The following MEOX2 variants were observed in gnomAD, a reference collection of about 807,000 sequenced individuals.
The protein encoded by MEOX2 is mesenchyme homeobox 2.
A neutral mutation model predicts 27.0 loss-of-function variants in MEOX2; 11 were observed. The ratio of observed to expected loss-of-function variants is 0.41; its 90% CI spans 0.26 to 0.68. The LOEUF is 0.68. Ranked by LOEUF, MEOX2 falls within the 30% of genes least tolerant of loss-of-function variation. The pLI, the probability that MEOX2 is intolerant of heterozygous loss-of-function variation, is 0.33. For missense variants in MEOX2, 436 were observed against 385.4 expected, an observed-to-expected ratio of 1.13 and a Z score of -1.10; for synonymous variants, 189 against 155.4, an observed-to-expected ratio of 1.22 and a Z score of -1.61.
chr7:15,658,173 G>A (rs1473481160), intron 1 of MEOX2, among the ~76,000 whole-genome samples: 1 of 152,232 alleles, frequency 6.6e-6, no homozygotes, highest in Non-Finnish European at 1.5e-5. Flanking sequence ...TCCTTTTGGG[G>A]AACAGGATGA....
At chr7:15,660,310 C>T (rs185207062) in intron 1 of MEOX2, among the ~76,000 whole-genome samples, 12 of 152,230 alleles carry the variant, frequency 7.9e-5, no homozygotes, top group African/African-American at 2.6e-4. Context: ...AGAGTGTAGG[C>T]TGTGAGCAAC....
Position 15,612,298 on chromosome 7 carries a change from A to G in MEOX2, c.*89T>C. ...TTTAATAATATTAAACATCACTGCC[A>G]TAGTCATCTCTCTGTGTAAACGATA... On this transcript the variant is annotated 3_prime_UTR_variant, in exon 3 of 3. Transcript: ENST00000262041. 3 of 1,013,094 alleles carry G rather than the reference A, an allele frequency of 3.0e-6. No homozygotes were observed. The highest frequency in any genetic ancestry group is 1.3e-5 in the South Asian group (1 of 76,206). The allele number at this position is 1,013,094 out of a possible 1,614,324, so 62.8% of individuals were successfully genotyped here. A position where few individuals can be genotyped will look rare whatever the true frequency, so the allele number is the denominator to read the frequency against.
chr7:15,626,641 A>C, intron 2 of MEOX2, 105 bp downstream of exon 2: 2 of 774,246 alleles, frequency 2.6e-6, no homozygotes, highest in South Asian at 2.1e-5. Context: ...CTGTCTTCCA[A>C]ATGGTATTCA....
chr7:15,618,851 T>C (rs766293674), intron 2 of MEOX2, among the ~76,000 whole-genome samples: 15 of 151,932 alleles, frequency 9.9e-5, no homozygotes, highest in Admixed American at 2.6e-4. Flanking sequence ...TGTGTGAGTA[T>C]ACACTGACCC....
At chr7:15,639,934 G>A (rs1781534423) in intron 1 of MEOX2, among the ~76,000 whole-genome samples, 1 of 151,818 alleles carries the variant, frequency 6.6e-6, no homozygotes, top group Admixed American at 6.6e-5. Context: ...TTGTTTGTTT[G>A]TTTTGCTTAC....
At chr7:15,668,522 C>T (rs573484274) in intron 1 of MEOX2, among the ~76,000 whole-genome samples, 10 of 152,044 alleles carry the variant, frequency 6.6e-5, no homozygotes, top group Non-Finnish European at 1.3e-4. Context: ...TGCTCTGTCG[C>T]CCAGGCTGGA....
chr7:15,668,389 A>G (rs1259314186), intron 1 of MEOX2: 1 of 152,228 alleles, frequency 6.6e-6, no homozygotes, highest in African/African-American at 2.4e-5. Context: ...TAATACATAT[A>G]ACATTAAAAA....
intron 1 of MEOX2, among the ~76,000 whole-genome samples, chr7:15,656,333 T>C (rs550167153): frequency 6.6e-6 from 1 of 151,934 alleles, no homozygotes; most frequent in Non-Finnish European, 1.5e-5. Flanking sequence ...TTAATTGCTA[T>C]GTTTTTAGGC....
At chr7:15,682,237 T>C (rs1782304601) in intron 1 of MEOX2, among the ~76,000 whole-genome samples, 1 of 151,750 alleles carries the variant, frequency 6.6e-6, no homozygotes, top group Admixed American at 6.6e-5. Context: ...AAAGCCACAA[T>C]CCAGTAACAC....
chr7:15,622,521 G>A (rs1781236206), intron 2 of MEOX2, among the ~76,000 whole-genome samples: 1 of 152,022 alleles, frequency 6.6e-6, no homozygotes, highest in South Asian at 2.1e-4. Context: ...ATTCCTTGGT[G>A]TATATGTTTA....
Position 15,621,033 on chromosome 7 carries a change from G to A in MEOX2, c.690+5713C>T, listed in dbSNP as rs188832111. 5.3e-5 allele frequency among the ~76,000 whole-genome samples: 8 copies of A among 152,262 alleles called. No homozygotes were observed. The East Asian group carries it at 1.4e-3, about 26-fold the overall frequency. On this transcript the variant is annotated intron_variant, in intron 2 of 2. Coordinates refer to ENST00000262041, the MANE Select transcript of MEOX2 (RefSeq NM_005924.5). ...CTGTGAGATATTAAAAATCTGGTGG[G>A]AGTTTTCTCCAAGTTTATCTGGATG...
At chr7:15,654,002 T>C (rs1409527617) in intron 1 of MEOX2, among the ~76,000 whole-genome samples, 4 of 151,914 alleles carry the variant, frequency 2.6e-5, no homozygotes, top group Admixed American at 6.6e-5. Flanking sequence ...TTGGGGGAAA[T>C]TGACATCTTT....
chr7:15,645,886 T>A (rs1781639184), intron 1 of MEOX2, among the ~76,000 whole-genome samples: 1 of 152,162 alleles, frequency 6.6e-6, no homozygotes, highest in Non-Finnish European at 1.5e-5. Flanking sequence ...TGTGTGCATA[T>A]GTGTATGTCC....
chr7:15,626,767 A>C lies in MEOX2; in HGVS notation c.669T>G (p.Asn223Lys), dbSNP rs1357838190. The change falls in exon 2 of 3, where the codon AAT becomes AAG. Residue 223 changes from asparagine to lysine, a missense_variant. Physicochemically the swap from Asn to Lys is moderately conservative, Grantham distance 94. Transcript: ENST00000262041. Reference protein sequence around the residue: ...TRLRRYEIAVNLDLTERQVKV... With the variant: ...TRLRRYEIAVKLDLTERQVKV... ...TTACCTGTCTTTCAGTGAGATCCAG[A>C]TTCACTGCTATCTCGTATCGCCTCA... is the stretch of plus-strand genomic sequence containing the variant. The C allele has an allele frequency of 6.2e-7, 1 of 1,609,192 alleles. No individual in the cohort carries two copies. The highest frequency in any genetic ancestry group is 8.5e-7 in the Non-Finnish European group (1 of 1,177,832).
chr7:15,633,514 G>A (rs1781433403), intron 1 of MEOX2, among the ~76,000 whole-genome samples: 2 of 151,920 alleles, frequency 1.3e-5, no homozygotes, highest in Middle Eastern at 3.2e-3. Context: ...TTTGCAGTGT[G>A]ATGCCAGAAA....
chr7:15,663,897 C>G (rs988560991), intron 1 of MEOX2, among the ~76,000 whole-genome samples: 1 of 152,116 alleles, frequency 6.6e-6, no homozygotes, highest in East Asian at 1.9e-4. Flanking sequence ...GGCTCTTGCT[C>G]TGTTCAATAC....
chr7:15,645,689 T>C (rs1781634333), intron 1 of MEOX2, among the ~76,000 whole-genome samples: 1 of 152,188 alleles, frequency 6.6e-6, no homozygotes, highest in Non-Finnish European at 1.5e-5. Flanking sequence ...GAAGCATTTC[T>C]CAAGTGGTAT....
chr7:15,653,783 T>C (rs1228036298), intron 1 of MEOX2, among the ~76,000 whole-genome samples: 1 of 151,990 alleles, frequency 6.6e-6, no homozygotes, highest in African/African-American at 2.4e-5. Flanking sequence ...TATATGTTTC[T>C]GTGTCTCCAC....
intron 1 of MEOX2, among the ~76,000 whole-genome samples, chr7:15,640,247 T>C (rs1781539191): frequency 6.7e-6 from 1 of 148,616 alleles, no homozygotes; most frequent in African/African-American, 2.6e-5. Context: ...GGGTTGTGTG[T>C]GTGTGTTTGT....
Sources: allele counts gnomAD v4.1 joint callset (sites outside exome capture counted in the v4.1 genomes callset), GRCh38; gene constraint gnomAD v4.1.1; transcripts MANE v1.5; gene names NCBI Gene and HGNC (gene_info 2026-07-23, HGNC 2026-07-21).